The following PCDHGA4 variants were observed in gnomAD, a reference collection of about 807,000 sequenced individuals.
PCDHGA4 encodes protocadherin gamma-A4.
In PCDHGA4, 38 loss-of-function variants were observed where a neutral mutation model predicts 54.6. The observed-to-expected ratio is 0.70, with a 90% CI of 0.54 to 0.91. The LOEUF (loss-of-function observed/expected upper bound fraction) is 0.91. Among genes scored for constraint, PCDHGA4 ranks in the 40% least tolerant of loss-of-function variants. The probability of loss-of-function intolerance (pLI) is 0.00; values close to 1 mark genes in which losing one functional copy is unlikely to be tolerated. For missense variants in PCDHGA4, 1,298 were observed against 1,220.9 expected, an observed-to-expected ratio of 1.06 and a Z score of -0.94; for synonymous variants, 511 against 512.9, an observed-to-expected ratio of 1.00 and a Z score of 0.05.
chr5:141,416,650 A>G (rs935670434), intron 1 of PCDHGA4: 2 of 152,238 alleles, frequency 1.3e-5, no homozygotes, highest in Admixed American at 6.5e-5. Context: ...CCACAGCTGT[A>G]AAAAAGAAAA....
Position 141,355,332 on chromosome 5 carries a change from G to A in PCDHGA4, c.225G>A (p.Val75=), listed in dbSNP as rs557704371. 1 of 1,614,032 alleles carries A rather than the reference G, an allele frequency of 6.2e-7. No homozygotes were observed. Among genetic ancestry groups the A allele is most frequent in the South Asian group, 1.1e-5 (1 of 91,090 alleles). Residue 75 remains valine (V), a synonymous_variant, in exon 1 of 4, where the codon GTG becomes GTA. Transcript: ENST00000571252. The part of the protein sequence containing the change: ...SVFEEQEEGS[V]VGNIAKDLGL... ...TTGAGGAGCAGGAAGAAGGCTCAGT[G>A]GTGGGCAACATCGCCAAGGACCTGG... is the stretch of plus-strand genomic sequence containing the variant.
At chr5:141,372,431 C>G in intron 1 of PCDHGA4, 3 of 1,614,052 alleles carry the variant, frequency 1.9e-6, no homozygotes, top group Non-Finnish European at 2.5e-6. Context: ...GCGACCGCCC[C>G]ACTCCCTCTG....
rs2099695710 is a variant in PCDHGA4, at chr5:141,490,068, A to G, written c.2515-4739A>G. On this transcript the variant is annotated intron_variant, in intron 1 of 3. Coordinates refer to ENST00000571252, the MANE Select transcript of PCDHGA4 (RefSeq NM_018917.4). This position sits in a 1 kb window ranked among gnomAD's most constrained non-coding sequence, Gnocchi z 5.4. ...ATCCAGACGAGGGCACCAACGGCCA[A>G]CTAGACTATTCTTTTGGAGACCACA... is the stretch of plus-strand genomic sequence containing the variant. 2 of 1,614,152 alleles carry G rather than the reference A, an allele frequency of 1.2e-6. No homozygotes were observed. The highest frequency in any genetic ancestry group is 1.6e-4 in the Middle Eastern group (1 of 6,084).
chr5:141,440,572 GT>G (rs1233263525), intron 1 of PCDHGA4: 1 of 152,200 alleles, frequency 6.6e-6, no homozygotes, highest in Non-Finnish European at 1.5e-5. Context: ...GTATCTCTGA[GT>G]TTACCCAGCT....
At chr5:141,364,468 C>A (rs1305196130) in intron 1 of PCDHGA4, 9 of 1,614,006 alleles carry the variant, frequency 5.6e-6, no homozygotes, top group Non-Finnish European at 7.6e-6. Context: ...CCTTCGTCGG[C>A]AACATAGCCA....
At chr5:141,478,329 C>T (rs1295950117) in intron 1 of PCDHGA4, 1 of 1,613,982 alleles carries the variant, frequency 6.2e-7, no homozygotes, top group African/African-American at 1.3e-5. Context: ...TACCGAACAC[C>T]AGGGCCCTCC....
In PCDHGA4 at chr5:141,477,486, C is replaced by T. The variant is rs1472326209; in HGVS notation, c.2515-17321C>T. On this transcript the variant is annotated intron_variant, in intron 1 of 3. Coordinates refer to ENST00000571252, the MANE Select transcript of PCDHGA4 (RefSeq NM_018917.4). This position sits in a 1 kb window ranked among gnomAD's most constrained non-coding sequence, Gnocchi z 4.9. ...GACATCAATGACAACCCTCCACAATCTTCTCAATCTTCCTACGACGTTTAC... is the reference window on the plus strand; with the variant it reads ...GACATCAATGACAACCCTCCACAATTTTCTCAATCTTCCTACGACGTTTAC... 6.2e-7 allele frequency: 1 copy of T among 1,614,052 alleles called. No individual in the cohort carries two copies. The highest frequency in any genetic ancestry group is 1.3e-5 in the African/African-American group (1 of 74,914).
intron 2 of PCDHGA4, among the ~76,000 whole-genome samples, chr5:141,497,614 A>C (rs1377740795): frequency 6.8e-6 from 1 of 146,530 alleles, no homozygotes; most frequent in African/African-American, 2.6e-5. Context: ...ATCTTGGCTC[A>C]CTGCAACCTC....
At chr5:141,461,312 C>T (rs1318872213) in intron 1 of PCDHGA4, among the ~76,000 whole-genome samples, 1 of 152,064 alleles carries the variant, frequency 6.6e-6, no homozygotes, top group African/African-American at 2.4e-5. Flanking sequence ...TGTTTTTTGA[C>T]TTTTTAATAA....
rs35821115 is a variant in PCDHGA4, at chr5:141,460,961, ATGTG to A, written c.2515-33826_2515-33823del. 3.6e-3 allele frequency among the ~76,000 whole-genome samples: 519 copies of A among 144,600 alleles called. 3 individuals carry two copies. The highest frequency in any genetic ancestry group is 4.3e-3 in the African/African-American group (168 of 38,712). The allele number at this position is 144,600 out of a possible 152,430, so 94.9% of individuals were successfully genotyped here. A position where few individuals can be genotyped will look rare whatever the true frequency, so the allele number is the denominator to read the frequency against. ...ATATATATGTATTATGTATATATAT[ATGTG>A]TGTGTGTGTGTGTGTGTGTATATAT... On this transcript the variant is annotated intron_variant, in intron 1 of 3. Transcript: ENST00000571252.
At chr5:141,393,297 G>T (rs376887343) in intron 1 of PCDHGA4, 3 of 1,613,934 alleles carry the variant, frequency 1.9e-6, no homozygotes, top group Non-Finnish European at 1.7e-6. Context: ...TGACCCGGAT[G>T]TGGGCGTGAA....
At chr5:141,460,034 C>T (rs1463167810) in intron 1 of PCDHGA4, among the ~76,000 whole-genome samples, 1 of 152,116 alleles carries the variant, frequency 6.6e-6, no homozygotes, top group African/African-American at 2.4e-5. Context: ...GCCGAGACTG[C>T]ACCACTGCAC....
chr5:141,436,051 A>G (rs2097793554), intron 1 of PCDHGA4, among the ~76,000 whole-genome samples: 1 of 152,194 alleles, frequency 6.6e-6, no homozygotes, highest in Admixed American at 6.5e-5. Flanking sequence ...ATTAGTTTTC[A>G]AATAGAATTT....
chr5:141,359,669 G>A (rs1417596414), intron 1 of PCDHGA4, among the ~76,000 whole-genome samples: 1 of 151,966 alleles, frequency 6.6e-6, no homozygotes, highest in Non-Finnish European at 1.5e-5. Flanking sequence ...ATAAAAATCC[G>A]TTGCCCTATA....
At chr5:141,363,137 AT>A (rs1429876533) in intron 1 of PCDHGA4, among the ~76,000 whole-genome samples, 1 of 152,234 alleles carries the variant, frequency 6.6e-6, no homozygotes, top group Admixed American at 6.5e-5. Context: ...GAAAGAGTGC[AT>A]TTAACAAATG....
At chr5:141,488,139 T>C (rs906194527) in intron 1 of PCDHGA4, among the ~76,000 whole-genome samples, 2 of 152,084 alleles carry the variant, frequency 1.3e-5, no homozygotes, top group Non-Finnish European at 2.9e-5. Context: ...AGGAGAGAAC[T>C]AAAGGAATAG....
chr5:141,362,004 G>C (rs779926353), intron 1 of PCDHGA4: 4 of 1,604,470 alleles, frequency 2.5e-6, no homozygotes, highest in Non-Finnish European at 3.4e-6. Flanking sequence ...GGTTGCGCAC[G>C]GGTGAGGTGC....
intron 1 of PCDHGA4, among the ~76,000 whole-genome samples, chr5:141,434,616 T>C (rs911085192): frequency 1.3e-5 from 2 of 152,204 alleles, no homozygotes; most frequent in East Asian, 1.9e-4. Context: ...TCCGCCCATC[T>C]CTTCGTTTCC....
intron 1 of PCDHGA4, chr5:141,409,623 T>G: frequency 6.2e-7 from 1 of 1,613,854 alleles, no homozygotes; most frequent in Non-Finnish European, 8.5e-7. Context: ...ATTGCGCAAG[T>G]GAGCGCCTCT....
Sources: gnomAD v4.1 joint callset for allele counts (sites outside exome capture counted in the v4.1 genomes callset) on GRCh38, gnomAD v4.1.1 for gene constraint, Gnocchi (gnomAD v3.1) non-coding constraint, MANE v1.5 for transcripts, NCBI Gene and HGNC (gene_info 2026-07-23, HGNC 2026-07-21) for gene names.